IL1RAPL1: variants seen among roughly 807,000 people sequenced by gnomAD.
IL1RAPL1 encodes the protein interleukin-1 receptor accessory protein-like 1.
IL1RAPL1 carries 3 observed loss-of-function variants against 48.4 expected under a neutral mutation model. The ratio of observed to expected loss-of-function variants is 0.06; its 90% confidence interval spans 0.03 to 0.16. The LOEUF is 0.16. Ranked by LOEUF, IL1RAPL1 falls within the 10% of genes least tolerant of loss-of-function variation. The pLI is 1.00. For missense variants in IL1RAPL1, 349 were observed against 530.6 expected, an observed-to-expected ratio of 0.66 and a Z score of 3.36; for synonymous variants, 185 against 187.7, an observed-to-expected ratio of 0.99 and a Z score of 0.12.
At chrX:28,887,896 A>C (rs999504261) in intron 2 of IL1RAPL1, among the ~76,000 whole-genome samples, 1 of 111,706 alleles carries the variant, frequency 9.0e-6, no homozygotes, top group Admixed American at 9.6e-5. Context: ...GATTAATTTC[A>C]GATTTATTAA....
chrX:29,811,763 A>T (rs748971465), intron 6 of IL1RAPL1, among the ~76,000 whole-genome samples: 1 of 112,391 alleles, frequency 8.9e-6, no homozygotes, highest in African/African-American at 3.2e-5. Context: ...CACTTTATGC[A>T]GTTAATTGTA....
chrX:28,985,399 G>C (rs1476370740), intron 2 of IL1RAPL1, among the ~76,000 whole-genome samples: 1 of 111,494 alleles, frequency 9.0e-6, no homozygotes, highest in Non-Finnish European at 1.9e-5. Flanking sequence ...CCATACTAAC[G>C]CATGGCCATT....
At chrX:29,166,696 A>G (rs1322694293) in intron 2 of IL1RAPL1, among the ~76,000 whole-genome samples, 4 of 111,631 alleles carry the variant, frequency 3.6e-5, no homozygotes, top group Non-Finnish European at 7.5e-5. Flanking sequence ...CAAATCCTTA[A>G]TGAGACCAAC....
At chrX:29,862,737 G>C (rs1931613756) in intron 6 of IL1RAPL1, among the ~76,000 whole-genome samples, 1 of 110,399 alleles carries the variant, frequency 9.1e-6, no homozygotes, top group Non-Finnish European at 1.9e-5. Flanking sequence ...GAACAATAGA[G>C]CATGTTCAAA....
chrX:29,566,245 G>A (rs1172777398), intron 5 of IL1RAPL1, among the ~76,000 whole-genome samples: 1 of 111,659 alleles, frequency 9.0e-6, no homozygotes, highest in African/African-American at 3.3e-5. Flanking sequence ...GGCCCATGTG[G>A]GGAAATTTAA....
At chrX:29,332,095 CTTTTTT>C (rs72360733) in intron 3 of IL1RAPL1, among the ~76,000 whole-genome samples, 4 of 27,888 alleles carry the variant, frequency 1.4e-4, no homozygotes, top group Admixed American at 7.5e-4. Context: ...ATTCTAAGGT[CTTTTTT>C]TTTTTTTTTT....
chrX:29,606,959 T>C (rs1355043666), intron 5 of IL1RAPL1, among the ~76,000 whole-genome samples: 1 of 111,931 alleles, frequency 8.9e-6, no homozygotes, highest in African/African-American at 3.2e-5. Flanking sequence ...AGTACATTTT[T>C]AATGAATGAA....
intron 2 of IL1RAPL1, among the ~76,000 whole-genome samples, chrX:28,838,905 G>A (rs1378958848): frequency 4.5e-5 from 5 of 110,866 alleles, no homozygotes; most frequent in East Asian, 5.6e-4. Context: ...ACTGAAATAC[G>A]CACATTAATT....
chrX:29,258,206 C>A (rs771682646), intron 2 of IL1RAPL1, among the ~76,000 whole-genome samples: 1 of 110,387 alleles, frequency 9.1e-6, no homozygotes, highest in Non-Finnish European at 1.9e-5. Context: ...GCCACGTTGT[C>A]GCTTTAAAAA....
chrX:29,313,901 G>C (rs951505721), intron 3 of IL1RAPL1, among the ~76,000 whole-genome samples: 12 of 111,883 alleles, frequency 1.1e-4, no homozygotes, highest in African/African-American at 3.6e-4. Flanking sequence ...TTCTCCTTAA[G>C]AGTCTGAGAG....
chrX:28,939,222 CACAT>C lies in IL1RAPL1; in HGVS notation c.82+149798_82+149801del, dbSNP rs761744130. On this transcript the variant is annotated intron_variant, in intron 2 of 10. Coordinates refer to ENST00000378993, the MANE Select transcript of IL1RAPL1 (RefSeq NM_014271.4). ...AATATAAATTATTCTACCATAAAGA[CACAT>C]GCATGCATATGTTCATTGCAGCAGT... 4.5e-5 allele frequency among the ~76,000 whole-genome samples: 5 copies of C among 110,778 alleles called. No individual in the cohort carries two copies. The East Asian group carries it at 1.4e-3, about 31-fold the overall frequency.
intron 6 of IL1RAPL1, 119 bp from the exon 7 acceptor site, chrX:29,917,345 C>G: frequency 1.5e-6 from 1 of 668,884 alleles, no homozygotes; most frequent in Non-Finnish European, 2.3e-6. Flanking sequence ...AAAAATTATT[C>G]TTTTAGAAAG....
At chrX:29,697,549 C>T (rs965937687) in intron 6 of IL1RAPL1, among the ~76,000 whole-genome samples, 1 of 111,218 alleles carries the variant, frequency 9.0e-6, no homozygotes, top group Non-Finnish European at 1.9e-5. Flanking sequence ...CTACCTGAAA[C>T]GAAAGTTGGT....
intron 5 of IL1RAPL1, among the ~76,000 whole-genome samples, chrX:29,623,197 G>A (rs1034719875): frequency 2.8e-5 from 3 of 108,181 alleles, no homozygotes; most frequent in Non-Finnish European, 5.8e-5. Context: ...CAGGAGAATG[G>A]CATGAACCCG....
chrX:29,318,759 A>G (rs1269056316), intron 3 of IL1RAPL1, among the ~76,000 whole-genome samples: 2 of 112,398 alleles, frequency 1.8e-5, no homozygotes, highest in African/African-American at 6.5e-5. Context: ...CTGTGATACC[A>G]TAAGTGATAA....
At chrX:29,845,224 A>AT (rs1184242081) in intron 6 of IL1RAPL1, among the ~76,000 whole-genome samples, 2 of 111,821 alleles carry the variant, frequency 1.8e-5, no homozygotes, top group Non-Finnish European at 3.8e-5. Flanking sequence ...AAAACAAGCC[A>AT]TACAGATACT....
intron 5 of IL1RAPL1, among the ~76,000 whole-genome samples, chrX:29,541,503 G>T (rs1921437632): frequency 9.0e-6 from 1 of 111,476 alleles, no homozygotes; most frequent in Non-Finnish European, 1.9e-5. Context: ...CAGCACTATT[G>T]GTAATAGCAA....
At chrX:29,197,177 A>C (rs1930460860) in intron 2 of IL1RAPL1, among the ~76,000 whole-genome samples, 1 of 111,943 alleles carries the variant, frequency 8.9e-6, no homozygotes, top group African/African-American at 3.2e-5. Flanking sequence ...TAATTTACTT[A>C]TATACAAGTT....
intron 2 of IL1RAPL1, among the ~76,000 whole-genome samples, chrX:29,152,466 A>G (rs1355350738): frequency 8.9e-6 from 1 of 111,881 alleles, no homozygotes; most frequent in African/African-American, 3.3e-5. Context: ...CCCGTCCCAC[A>G]TAGTCAAATG....
Sources: allele counts gnomAD v4.1 joint callset (sites outside exome capture counted in the v4.1 genomes callset), GRCh38; gene constraint gnomAD v4.1.1; transcripts MANE v1.5; gene names NCBI Gene and HGNC (gene_info 2026-07-23, HGNC 2026-07-21).